Variants in MROH1 observed in about 807,000 individuals in gnomAD.
The protein encoded by MROH1 is maestro heat like repeat family member 1, also known as maestro heat-like repeat-containing protein family member 1.
Under a neutral mutation model 116.5 loss-of-function variants are expected in MROH1, and 117 were observed. The observed-to-expected ratio is 1.00, with a 90% CI of 0.86 to 1.17. The LOEUF (loss-of-function observed/expected upper bound fraction) is 1.17. MROH1 is among the 50% of genes most tolerant of loss of function. The pLI, the probability that MROH1 is intolerant of heterozygous loss-of-function variation, is 0.00. For synonymous variants in MROH1, 921 were observed against 583.9 expected (o/e 1.58, Z -8.32); for missense variants, 1,873 against 1,338.5 (o/e 1.40, Z -6.23).
At chr8:144,158,023 G>A (rs113434416) in intron 1 of MROH1, among the ~76,000 whole-genome samples, 2 of 110,612 alleles carry the variant, frequency 1.8e-5, no homozygotes, top group Non-Finnish European at 1.8e-5. Flanking sequence ...GATGGAGTCT[G>A]GCTCTGTCGC....
chr8:144,153,525 T>C (rs1464790745), intron 1 of MROH1, among the ~76,000 whole-genome samples: 1 of 152,182 alleles, frequency 6.6e-6, no homozygotes, highest in African/African-American at 2.4e-5. Context: ...TAATACTCCA[T>C]TGTGATATAC....
intron 2 of MROH1, among the ~76,000 whole-genome samples, chr8:144,162,399 T>A (rs1026168485): frequency 6.6e-6 from 1 of 150,738 alleles, no homozygotes; most frequent in African/African-American, 2.4e-5. Flanking sequence ...GTTTTTCTTT[T>A]CTTTTTTTTT....
rs143233632 is a variant in MROH1, at chr8:144,212,151, A to C, written c.1142-8449A>C. On this transcript the variant is annotated intron_variant, in intron 12 of 43. Transcript: ENST00000326134. ...CAGGGTGGAGTGTAGCGGCTCAAACACGGCTCACTGCAACCCTAACCTCCT... is the reference window on the plus strand; with the variant it reads ...CAGGGTGGAGTGTAGCGGCTCAAACCCGGCTCACTGCAACCCTAACCTCCT... 2.0e-4 allele frequency among the ~76,000 whole-genome samples: 30 copies of C among 152,114 alleles called. No individual in the cohort carries two copies. The East Asian group carries it at 4.1e-3, about 21-fold the overall frequency.
chr8:144,183,452 A>G (rs1401635742), intron 7 of MROH1, among the ~76,000 whole-genome samples: 2 of 150,134 alleles, frequency 1.3e-5, no homozygotes, highest in African/African-American at 2.5e-5. Flanking sequence ...GTGGTCTGTT[A>G]TTCTGAAAAA....
chr8:144,162,654 C>G (rs889247082), intron 2 of MROH1, among the ~76,000 whole-genome samples: 2 of 151,952 alleles, frequency 1.3e-5, no homozygotes, highest in African/African-American at 4.8e-5. Context: ...GCCTCAGCCT[C>G]CCAAAGTGCT....
chr8:144,250,173 C>G, intron 32 of MROH1, 39 bp from the exon 33 acceptor site: 1 of 754,746 alleles, frequency 1.3e-6, no homozygotes, highest in South Asian at 1.4e-5. Flanking sequence ...CAGCTGTCCC[C>G]CACGCGTGGC....
At chr8:144,221,269 C>T (rs1439021628) in intron 13 of MROH1, among the ~76,000 whole-genome samples, 3 of 152,204 alleles carry the variant, frequency 2.0e-5, no homozygotes, top group Non-Finnish European at 2.9e-5. Context: ...GTAGCCTCCA[C>T]CTGTCACATG....
In MROH1 at chr8:144,180,081, G is replaced by A. The variant is rs910449596; in HGVS notation, c.301-97G>A. 93 of 1,473,604 alleles carry A rather than the reference G, an allele frequency of 6.3e-5. No homozygotes were observed. The highest frequency in any genetic ancestry group is 2.2e-4 in the Admixed American group (12 of 55,792). The allele number at this position is 1,473,604 out of a possible 1,614,324, so 91.3% of individuals were successfully genotyped here. Reference sequence around the variant, plus strand: ...TCCCTGACCTGCACTTTCTGGGGACGCTGAAAACAGCGTGCGCTTGTCCAA... The same window carrying A: ...TCCCTGACCTGCACTTTCTGGGGACACTGAAAACAGCGTGCGCTTGTCCAA... On this transcript the variant is annotated intron_variant, in intron 5 of 43. Transcript: ENST00000326134. The surrounding 1 kb of genome is among the most constrained non-coding windows in gnomAD (Gnocchi z 7.4).
intron 1 of MROH1, among the ~76,000 whole-genome samples, chr8:144,159,723 T>A (rs1343126545): frequency 6.6e-6 from 1 of 152,096 alleles, no homozygotes; most frequent in Non-Finnish European, 1.5e-5. Context: ...TGGTTCATCC[T>A]CACAATGGGT....
chr8:144,243,874 G>A lies in MROH1; in HGVS notation c.2487G>A (p.Arg829=). ...CCTGCCTCACCCAGGAGTTCATCAG[G>A]GCAGAGCCCCCGGACTCCTTGAGGA... ...ELVAQMMEFI[R]AEPPDSLRTP... is the part of the protein sequence containing the mutation. Residue 829 remains arginine (R), a synonymous_variant, in exon 26 of 44, where the codon AGG becomes AGA. Transcript: ENST00000326134. 1.3e-6 allele frequency: 1 copy of A among 780,006 alleles called. No homozygotes were observed. Among genetic ancestry groups the A allele is most frequent in the Non-Finnish European group, 2.4e-6 (1 of 417,592 alleles). 48.3% of individuals were successfully genotyped at this position (780,006 alleles called of 1,614,324 possible).
intron 14 of MROH1, among the ~76,000 whole-genome samples, chr8:144,234,896 T>C (rs1371284649): frequency 2.0e-5 from 3 of 146,404 alleles, no homozygotes; most frequent in East Asian, 2.0e-4. Flanking sequence ...TCTTTCTTTT[T>C]TTTTTTTTTT....
chr8:144,219,691 C>A (rs1315802046), intron 12 of MROH1, among the ~76,000 whole-genome samples: 1 of 152,114 alleles, frequency 6.6e-6, no homozygotes, highest in Non-Finnish European at 1.5e-5. Flanking sequence ...GAGAAGGAAC[C>A]AATTGGGATC....
At chr8:144,245,489 T>G (rs1012305090) in intron 29 of MROH1, among the ~76,000 whole-genome samples, 2 of 152,262 alleles carry the variant, frequency 1.3e-5, no homozygotes, top group East Asian at 3.8e-4. Context: ...AACATGCACC[T>G]CTGGTCTCCA....
intron 35 of MROH1, among the ~76,000 whole-genome samples, chr8:144,256,071 G>A (rs1843705406): frequency 6.6e-6 from 1 of 152,168 alleles, no homozygotes; most frequent in Non-Finnish European, 1.5e-5. Flanking sequence ...GTCAACCATG[G>A]CAGGACCAGC....
intron 1 of MROH1, among the ~76,000 whole-genome samples, chr8:144,159,355 T>A (rs1818933751): frequency 6.6e-6 from 1 of 152,168 alleles, no homozygotes. Context: ...CGAAACTCCG[T>A]GTCAAAAAGA....
At chr8:144,159,210 T>G (rs1818894196) in intron 1 of MROH1, among the ~76,000 whole-genome samples, 1 of 152,090 alleles carries the variant, frequency 6.6e-6, no homozygotes, top group Non-Finnish European at 1.5e-5. Context: ...ATACAAAAAT[T>G]AGCCAGGTAT....
chr8:144,255,936 C>T (rs1307254835), intron 35 of MROH1, among the ~76,000 whole-genome samples: 5 of 152,234 alleles, frequency 3.3e-5, no homozygotes, highest in Non-Finnish European at 2.9e-5. Context: ...CCTCTGCGGG[C>T]GGTCTGCACG....
intron 7 of MROH1, among the ~76,000 whole-genome samples, chr8:144,183,638 C>CTTCTTTT (rs369500256): frequency 2.6e-5 from 4 of 151,198 alleles, no homozygotes; most frequent in Non-Finnish European, 5.9e-5. Context: ...GGCCTTTCTT[C>CTTCTTTT]TTCTTTTTTC....
At chr8:144,179,683 G>T (rs1825046729) in intron 5 of MROH1, 97 bp downstream of exon 5, 1 of 1,474,370 alleles carries the variant, frequency 6.8e-7, no homozygotes, top group Admixed American at 2.0e-5. Flanking sequence ...AGAGTATAGG[G>T]TGGTGTTTGG....
Sources: gnomAD v4.1 joint callset for allele counts (sites outside exome capture counted in the v4.1 genomes callset) on GRCh38, gnomAD v4.1.1 for gene constraint, Gnocchi (gnomAD v3.1) non-coding constraint, MANE v1.5 for transcripts, NCBI Gene and HGNC (gene_info 2026-07-23, HGNC 2026-07-21) for gene names.